The following NXPH1 variants were observed in gnomAD, a reference collection of about 807,000 sequenced individuals.
The protein encoded by NXPH1 is neurexophilin 1.
NXPH1 carries 5 observed loss-of-function variants against 23.7 expected under a neutral mutation model. The observed-to-expected ratio is 0.21, with a 90% CI of 0.11 to 0.44. The LOEUF is 0.44. Ranked by LOEUF, NXPH1 falls within the 20% of genes least tolerant of loss-of-function variation. NXPH1 has a pLI of 0.99. For missense variants in NXPH1, 324 were observed against 321.6 expected (o/e 1.01, Z -0.06); for synonymous variants, 144 against 122.2 (o/e 1.18, Z -1.18).
At chr7:8,436,945 A>G (rs1816205717) in intron 2 of NXPH1, among the ~76,000 whole-genome samples, 1 of 152,206 alleles carries the variant, frequency 6.6e-6, no homozygotes, top group African/African-American at 2.4e-5. Flanking sequence ...AGTTGTGTGA[A>G]TTCTGTGTAT....
chr7:8,455,267 A>G (rs563167006), intron 2 of NXPH1, among the ~76,000 whole-genome samples: 1 of 152,208 alleles, frequency 6.6e-6, no homozygotes, highest in Admixed American at 6.5e-5. Context: ...AAGAAAATAA[A>G]TTGGCTTAAA....
intron 2 of NXPH1, among the ~76,000 whole-genome samples, chr7:8,445,575 G>A (rs1315486891): frequency 1.3e-5 from 2 of 152,154 alleles, no homozygotes; most frequent in African/African-American, 4.8e-5. Context: ...AAAAGAAAGA[G>A]GCACTTTCTT....
chr7:8,553,230 G>A (rs1818306084), intron 2 of NXPH1, among the ~76,000 whole-genome samples: 1 of 151,428 alleles, frequency 6.6e-6, no homozygotes, highest in African/African-American at 2.4e-5. Context: ...GAATTCCAGT[G>A]GGCAAACCAG....
chr7:8,735,409 C>T (rs1435068214), intron 2 of NXPH1, among the ~76,000 whole-genome samples: 2 of 152,046 alleles, frequency 1.3e-5, no homozygotes, highest in Non-Finnish European at 2.9e-5. Flanking sequence ...TGGTTTTTGT[C>T]ATTGGTTATG....
At chr7:8,517,750 T>A (rs1199497726) in intron 2 of NXPH1, among the ~76,000 whole-genome samples, 3 of 152,166 alleles carry the variant, frequency 2.0e-5, no homozygotes, top group Non-Finnish European at 2.9e-5. Context: ...TTGATTTTTC[T>A]TATACTCTAC....
At position 8,710,962 on chromosome 7, in the gene NXPH1, G is replaced by A. The variant is rs1017395251; in HGVS notation, c.55-40046G>A. Reference sequence around the variant, plus strand: ...CAGGCGTGAGCCACCGCGCCCGGCCGTTACGGTTTTATGATAACACAAGGA... The same window carrying A: ...CAGGCGTGAGCCACCGCGCCCGGCCATTACGGTTTTATGATAACACAAGGA... On this transcript the variant is annotated intron_variant, in intron 2 of 2. Transcript: ENST00000405863. 2.0e-5 allele frequency among the ~76,000 whole-genome samples: 3 copies of A among 152,094 alleles called. 1 individual carries two copies. Among genetic ancestry groups the A allele is most frequent in the African/African-American group, 7.2e-5 (3 of 41,388 alleles).
At chr7:8,582,311 CT>C (rs1299652852) in intron 2 of NXPH1, among the ~76,000 whole-genome samples, 6 of 152,178 alleles carry the variant, frequency 3.9e-5, no homozygotes, top group African/African-American at 1.4e-4. Flanking sequence ...TGTTTCAGCC[CT>C]GTTTGCGTTA....
chr7:8,445,279 T>A (rs943386244), intron 2 of NXPH1, among the ~76,000 whole-genome samples: 3 of 152,130 alleles, frequency 2.0e-5, no homozygotes, highest in Non-Finnish European at 4.4e-5. Flanking sequence ...TAAAGAGAGG[T>A]CCCAATAAAG....
chr7:8,476,224 G>A (rs1435119590), intron 2 of NXPH1, among the ~76,000 whole-genome samples: 1 of 151,972 alleles, frequency 6.6e-6, no homozygotes, highest in African/African-American at 2.4e-5. Context: ...TGAATCTCTG[G>A]CCTGTTCTTG....
At chr7:8,469,223 C>T (rs1286145698) in intron 2 of NXPH1, among the ~76,000 whole-genome samples, 1 of 151,814 alleles carries the variant, frequency 6.6e-6, no homozygotes, top group African/African-American at 2.4e-5. Flanking sequence ...TCTACAATCT[C>T]TGAAATTTAA....
chr7:8,609,333 T>C (rs1440511772), intron 2 of NXPH1, among the ~76,000 whole-genome samples: 1 of 152,194 alleles, frequency 6.6e-6, no homozygotes, highest in Non-Finnish European at 1.5e-5. Context: ...AAGGGCTTTA[T>C]AGTTTACATT....
chr7:8,544,988 G>A (rs1218136209), intron 2 of NXPH1, among the ~76,000 whole-genome samples: 1 of 151,608 alleles, frequency 6.6e-6, no homozygotes, highest in African/African-American at 2.4e-5. Flanking sequence ...TTTCTTAATG[G>A]ATATCTACTC....
intron 2 of NXPH1, among the ~76,000 whole-genome samples, chr7:8,669,729 T>C (rs937667847): frequency 2.6e-5 from 4 of 152,078 alleles, no homozygotes; most frequent in African/African-American, 9.7e-5. Context: ...TTCCCTCCCT[T>C]TCCCTCAAGC....
chr7:8,620,837 G>A (rs2115123164), intron 2 of NXPH1, among the ~76,000 whole-genome samples: 1 of 152,286 alleles, frequency 6.6e-6, no homozygotes, highest in African/African-American at 2.4e-5. Context: ...TGGGGACAAG[G>A]ACGATTTAGA....
At chr7:8,656,507 GTTTTTT>G (rs200902214) in intron 2 of NXPH1, among the ~76,000 whole-genome samples, 1 of 136,796 alleles carries the variant, frequency 7.3e-6, no homozygotes, top group African/African-American at 2.8e-5. Flanking sequence ...TAGAGTTAAT[GTTTTTT>G]TTTTTTTTTT....
chr7:8,747,746 AATCAATTAGATTTTATT>A (rs1362099221), intron 2 of NXPH1, among the ~76,000 whole-genome samples: 1 of 151,288 alleles, frequency 6.6e-6, no homozygotes, highest in African/African-American at 2.5e-5. Context: ...TCAGATGTTT[AATCAATTAGATTTTATT>A]CACGCACACA....
chr7:8,721,896 A>AAT lies in NXPH1; in HGVS notation c.55-29112_55-29111insAT, dbSNP rs1328687251. Among the ~76,000 whole-genome samples, 14 of 152,388 alleles carry AAT rather than the reference A, an allele frequency of 9.2e-5. No individual in the cohort carries two copies. The East Asian group carries it at 2.7e-3, about 29-fold the overall frequency. On this transcript the variant is annotated intron_variant, in intron 2 of 2. Coordinates refer to ENST00000405863, the MANE Select transcript of NXPH1 (RefSeq NM_152745.3). Reference sequence around the variant, plus strand: ...AAACATTTTAATTAAAAGGAAATTAATGATACACTTAGAATATGCTATTTA... The same window carrying AAT: ...AAACATTTTAATTAAAAGGAAATTAAATTGATACACTTAGAATATGCTATTTA...
intron 2 of NXPH1, among the ~76,000 whole-genome samples, chr7:8,600,876 G>T (rs538703021): frequency 7.3e-5 from 11 of 151,034 alleles, no homozygotes; most frequent in Admixed American, 3.3e-4. Flanking sequence ...AACCAATCTT[G>T]GATCAAAAAG....
intron 2 of NXPH1, among the ~76,000 whole-genome samples, chr7:8,467,601 G>A (rs977004369): frequency 6.6e-5 from 10 of 152,122 alleles, no homozygotes; most frequent in Non-Finnish European, 1.3e-4. Flanking sequence ...GTGGGGGCTA[G>A]CACATACCTT....
Sources: gnomAD v4.1 joint callset for allele counts (sites outside exome capture counted in the v4.1 genomes callset) on GRCh38, gnomAD v4.1.1 for gene constraint, MANE v1.5 for transcripts, NCBI Gene and HGNC (gene_info 2026-07-23, HGNC 2026-07-21) for gene names.